The following TMEM135 variants were observed in gnomAD, a reference collection of about 807,000 sequenced individuals.
TMEM135 encodes transmembrane protein 135.
In TMEM135, 30 loss-of-function variants were observed where a neutral mutation model predicts 60.3. The ratio of observed to expected loss-of-function variants is 0.50; its 90% confidence interval spans 0.37 to 0.68. The LOEUF (loss-of-function observed/expected upper bound fraction) is 0.68, where lower values mean the gene tolerates loss of function less well. Among genes scored for constraint, TMEM135 ranks in the 30% least tolerant of loss-of-function variants. TMEM135 has a pLI of 0.00. For missense variants in TMEM135, 468 were observed against 548.8 expected (o/e 0.85, Z 1.47); for synonymous variants, 190 against 186.7 (o/e 1.02, Z -0.14).
At chr11:87,281,807 T>G (rs1375367870) in intron 6 of TMEM135, among the ~76,000 whole-genome samples, 1 of 152,232 alleles carries the variant, frequency 6.6e-6, no homozygotes, top group East Asian at 1.9e-4. Flanking sequence ...ATGTTTGTTC[T>G]TTTTCTCTGC....
At chr11:87,216,195 C>T (rs979892894) in intron 5 of TMEM135, among the ~76,000 whole-genome samples, 4 of 152,112 alleles carry the variant, frequency 2.6e-5, no homozygotes, top group African/African-American at 4.8e-5. Context: ...GGATCCCCTG[C>T]GGATAAGGGG....
chr11:87,323,826 A>G lies in TMEM135; in HGVS notation c.*2493A>G. 1 of 453,426 alleles carries G rather than the reference A, an allele frequency of 2.2e-6. No homozygotes were observed. Among genetic ancestry groups the G allele is most frequent in the South Asian group, 1.6e-5 (1 of 64,132 alleles). 28.1% of individuals were successfully genotyped at this position (453,426 alleles called of 1,614,324 possible). A position where few individuals can be genotyped will look rare whatever the true frequency, so the allele number is the denominator to read the frequency against. On this transcript the variant is annotated 3_prime_UTR_variant, in exon 15 of 15. Coordinates refer to ENST00000305494, the MANE Select transcript of TMEM135 (RefSeq NM_022918.4). Reference sequence around the variant, plus strand: ...AAATAATTTCAGGATCCATTTTATTACTCATTTTTGAAGTAACACCTTTGG... The same window carrying G: ...AAATAATTTCAGGATCCATTTTATTGCTCATTTTTGAAGTAACACCTTTGG...
chr11:87,092,603 C>G (rs1857233722), intron 4 of TMEM135, among the ~76,000 whole-genome samples: 1 of 152,046 alleles, frequency 6.6e-6, no homozygotes, highest in East Asian at 1.9e-4. Flanking sequence ...AGCAGGAGAG[C>G]AGGATTTCTT....
At chr11:87,252,765 A>T (rs3936716) in intron 6 of TMEM135, among the ~76,000 whole-genome samples, 93,537 of 142,356 alleles carry the variant, frequency 0.66, 31,386 homozygotes, top group Non-Finnish European at 0.71. Flanking sequence ...GAGCAGAACT[A>T]AATCTCAAAA....
At chr11:87,104,350 T>G (rs1367652233) in intron 4 of TMEM135, among the ~76,000 whole-genome samples, 1 of 152,204 alleles carries the variant, frequency 6.6e-6, no homozygotes, top group Admixed American at 6.5e-5. Flanking sequence ...TAAAATATAT[T>G]TTAAAATCAG....
chr11:87,315,154 CCTCCTCCTCCTCCTCTTCCTT>C (rs1942706440), intron 12 of TMEM135, among the ~76,000 whole-genome samples: 1 of 151,672 alleles, frequency 6.6e-6, no homozygotes, highest in African/African-American at 2.4e-5. Flanking sequence ...TCTTCCTCCT[CCTCCTCCTCCTCCTCTTCCTT>C]CTCCTCCTCC....
chr11:87,179,938 CTGT>C (rs142049132), intron 5 of TMEM135, among the ~76,000 whole-genome samples: 27,910 of 151,706 alleles, frequency 0.18, 3,139 homozygotes, highest in African/African-American at 0.32. Flanking sequence ...CTGTTTTTTT[CTGT>C]TGTTGTTGTT....
chr11:87,287,249 C>T lies in TMEM135; in HGVS notation c.510-8533C>T, dbSNP rs556439666. Among the ~76,000 whole-genome samples the T allele has an allele frequency of 2.6e-5, 4 of 152,284 alleles. No homozygotes were observed. In the South Asian group the frequency reaches 8.3e-4, roughly 32 times the overall value. On this transcript the variant is annotated intron_variant, in intron 6 of 14. Transcript: ENST00000305494. ...CTTCAAGTGATCAGCAACACAATGTCTTCTGTATATTAGATGCTCAATTAA... is the reference window on the plus strand; with the variant it reads ...CTTCAAGTGATCAGCAACACAATGTTTTCTGTATATTAGATGCTCAATTAA...
At chr11:87,288,487 G>GT (rs1942208009) in intron 6 of TMEM135, among the ~76,000 whole-genome samples, 1 of 152,086 alleles carries the variant, frequency 6.6e-6, no homozygotes, top group South Asian at 2.1e-4. Context: ...TGTATGTTTG[G>GT]TTTTATTCTT....
At chr11:87,275,357 A>G (rs1941949340) in intron 6 of TMEM135, among the ~76,000 whole-genome samples, 1 of 152,146 alleles carries the variant, frequency 6.6e-6, no homozygotes, top group Non-Finnish European at 1.5e-5. Flanking sequence ...AGCAACCATT[A>G]CAGACTTCTT....
intron 6 of TMEM135, among the ~76,000 whole-genome samples, chr11:87,245,725 T>G (rs538130031): frequency 8.0e-6 from 1 of 124,420 alleles, no homozygotes; most frequent in Non-Finnish European, 1.7e-5. Flanking sequence ...TCCATCCTTT[T>G]ATTTTGAGCC....
Position 87,312,464 on chromosome 11 carries a change from G to C in TMEM135, c.937-961G>C, listed in dbSNP as rs899614955. On this transcript the variant is annotated intron_variant, in intron 10 of 14. Transcript: ENST00000305494. ...TATGTTATATACTCCACGATATGTTGTTACTATTTTTGTTTTAGATCAGAG... is the reference window on the plus strand; with the variant it reads ...TATGTTATATACTCCACGATATGTTCTTACTATTTTTGTTTTAGATCAGAG... 9.2e-5 allele frequency among the ~76,000 whole-genome samples: 14 copies of C among 151,606 alleles called. No homozygotes were observed. The East Asian group carries it at 9.6e-4, about 10-fold the overall frequency.
chr11:87,232,485 A>C (rs1455959832), intron 5 of TMEM135, among the ~76,000 whole-genome samples: 1 of 151,096 alleles, frequency 6.6e-6, no homozygotes, highest in Non-Finnish European at 1.5e-5. Context: ...GGCACATCAT[A>C]ACAAATTGTG....
chr11:87,309,552 C>A lies in TMEM135; in HGVS notation c.816C>A (p.Leu272=). The stretch of plus-strand genomic sequence containing the variant: ...TGGGGTACTTGATCCAGTGCTGCCT[C>A]CGAATCCCTTCTGCATTTAGGCATC... ...FSVGYLIQCC[L]RIPSAFRHLF... is the part of the protein sequence containing the mutation. The change falls in exon 10 of 15, where the codon CTC becomes CTA. Residue 272 remains leucine (L), a synonymous_variant. Transcript: ENST00000305494. 1 of 1,613,888 alleles carries A rather than the reference C, an allele frequency of 6.2e-7. No individual in the cohort carries two copies. Among genetic ancestry groups the A allele is most frequent in the African/African-American group, 1.3e-5 (1 of 75,038 alleles).
chr11:87,046,634 A>G (rs116966810), intron 1 of TMEM135, among the ~76,000 whole-genome samples: 27 of 152,304 alleles, frequency 1.8e-4, no homozygotes, highest in Non-Finnish European at 3.5e-4. Context: ...GCAGGGGTAG[A>G]GAGAAACTGA....
At chr11:87,094,808 C>T in intron 4 of TMEM135, 1 of 180,390 alleles carries the variant, frequency 5.5e-6, no homozygotes, top group Non-Finnish European at 1.3e-5. Context: ...TCTCAATATT[C>T]TTTAAACTGA....
At chr11:87,117,183 A>T (rs1471075807) in intron 4 of TMEM135, among the ~76,000 whole-genome samples, 2 of 152,224 alleles carry the variant, frequency 1.3e-5, no homozygotes, top group East Asian at 1.9e-4. Context: ...CTACAAGTTG[A>T]TAGTGATATC....
chr11:87,291,922 A>C (rs1381656752), intron 6 of TMEM135, among the ~76,000 whole-genome samples: 1 of 152,138 alleles, frequency 6.6e-6, no homozygotes. Flanking sequence ...CGTTGCCTAA[A>C]GGGCTTATGT....
chr11:87,157,476 G>A (rs1481257713), intron 5 of TMEM135, 70 bp downstream of exon 5: 1 of 1,311,542 alleles, frequency 7.6e-7, no homozygotes. Flanking sequence ...TATAAAATGT[G>A]ATGAAATCTA....
Sources: gnomAD v4.1 joint callset for allele counts (sites outside exome capture counted in the v4.1 genomes callset) on GRCh38, gnomAD v4.1.1 for gene constraint, MANE v1.5 for transcripts, NCBI Gene and HGNC (gene_info 2026-07-23, HGNC 2026-07-21) for gene names.